The following NPTN variants were observed in gnomAD, a reference collection of about 807,000 sequenced individuals.
NPTN encodes neuroplastin.
Under a neutral mutation model 42.7 loss-of-function variants are expected in NPTN, and 5 were observed. The ratio of observed to expected loss-of-function variants is 0.12; its 90% CI spans 0.06 to 0.25. The LOEUF (loss-of-function observed/expected upper bound fraction) is 0.25, where lower values mean the gene tolerates loss of function less well. NPTN is among the 10% of genes least tolerant of loss of function. NPTN has a pLI of 1.00. For missense variants in NPTN, 307 were observed against 525.4 expected, an observed-to-expected ratio of 0.58 and a Z score of 4.06; for synonymous variants, 180 against 201.9, an observed-to-expected ratio of 0.89 and a Z score of 0.92.
intron 4 of NPTN, among the ~76,000 whole-genome samples, chr15:73,585,888 G>A (rs28483395): frequency 0.016 from 2,381 of 152,220 alleles, 88 homozygotes; most frequent in African/African-American, 0.054. Context: ...GGCCTACAGC[G>A]TCCTATTCTC....
chr15:73,615,619 T>C (rs1283353294), intron 1 of NPTN, among the ~76,000 whole-genome samples: 2 of 152,248 alleles, frequency 1.3e-5, no homozygotes, highest in Non-Finnish European at 2.9e-5. Context: ...TCCACTTCTC[T>C]GTCATCAAGG....
At position 73,560,071 on chromosome 15, in the gene NPTN, T is replaced by C. The variant is rs1894569473; in HGVS notation, c.*992A>G. ...GGTGAATCCACTTTTTTATACATCATTGCACTTCAATAATTACACAAAACA... is the reference window on the plus strand; with the variant it reads ...GGTGAATCCACTTTTTTATACATCACTGCACTTCAATAATTACACAAAACA... On this transcript the variant is annotated 3_prime_UTR_variant, in exon 9 of 9. Coordinates refer to ENST00000345330, the MANE Select transcript of NPTN (RefSeq NM_012428.4). 3 of 601,846 alleles carry C rather than the reference T, an allele frequency of 5.0e-6. No individual in the cohort carries two copies. The highest frequency in any genetic ancestry group is 8.1e-6 in the Non-Finnish European group (3 of 372,176). 37.3% of individuals were successfully genotyped at this position (601,846 alleles called of 1,614,324 possible).
intron 5 of NPTN, among the ~76,000 whole-genome samples, chr15:73,571,477 T>G (rs951299703): frequency 6.6e-6 from 1 of 152,030 alleles, no homozygotes; most frequent in Non-Finnish European, 1.5e-5. Flanking sequence ...AGCGTGTGTA[T>G]AGAGTGCTGT....
chr15:73,578,823 G>A (rs919837088), intron 4 of NPTN, among the ~76,000 whole-genome samples: 4 of 151,916 alleles, frequency 2.6e-5, no homozygotes, highest in African/African-American at 7.3e-5. Context: ...GTGAAACCTT[G>A]TCTCTACAAA....
At chr15:73,567,955 ATC>A in intron 6 of NPTN, 2 of 985,462 alleles carry the variant, frequency 2.0e-6, no homozygotes, top group Non-Finnish European at 2.4e-6. Context: ...CCCTGCCGTC[ATC>A]TCTTTTAAGG....
chr15:73,600,508 T>C (rs1259444470), intron 1 of NPTN, among the ~76,000 whole-genome samples: 2 of 152,148 alleles, frequency 1.3e-5, no homozygotes, highest in Non-Finnish European at 2.9e-5. Context: ...GAAACTAACG[T>C]CCAAAAAAGT....
Position 73,563,158 on chromosome 15 carries a change from C to T in NPTN, c.1136+78G>A, listed in dbSNP as rs1312382230. ...TCACTGTCTTCCCCTCCAATCTTAG[C>T]TACTCCATTTGATTAAACTGCAAAC... On this transcript the variant is annotated intron_variant, in intron 7 of 8. Coordinates refer to ENST00000345330, the MANE Select transcript of NPTN (RefSeq NM_012428.4). The T allele has an allele frequency of 4.9e-6, 5 of 1,017,428 alleles. No individual in the cohort carries two copies. In the East Asian group the frequency reaches 7.1e-5, roughly 15 times the overall value. The allele number at this position is 1,017,428 out of a possible 1,614,324, so 63.0% of individuals were successfully genotyped here.
At chr15:73,630,315 C>G (rs1267117533) in intron 1 of NPTN, among the ~76,000 whole-genome samples, 1 of 152,248 alleles carries the variant, frequency 6.6e-6, no homozygotes, top group Non-Finnish European at 1.5e-5. Flanking sequence ...CACTCTTGAT[C>G]ATCACATTAT....
At chr15:73,568,412 C>T in intron 6 of NPTN, 2 of 985,378 alleles carry the variant, frequency 2.0e-6, no homozygotes, top group Non-Finnish European at 2.4e-6. Flanking sequence ...GTGGTATTGG[C>T]AAAGCAAAAG....
chr15:73,565,246 G>A (rs1372679515), intron 6 of NPTN, among the ~76,000 whole-genome samples: 1 of 152,048 alleles, frequency 6.6e-6, no homozygotes, highest in Non-Finnish European at 1.5e-5. Context: ...AGAGCCTCAT[G>A]TCTCCCCACT....
At chr15:73,622,973 C>T (rs1021985919) in intron 1 of NPTN, among the ~76,000 whole-genome samples, 9 of 152,220 alleles carry the variant, frequency 5.9e-5, no homozygotes, top group Admixed American at 3.9e-4. Context: ...CACCAGCTCC[C>T]ACTTCTAAAG....
rs1895224421 is a variant in NPTN at position 73,569,172 on chromosome 15, G to GT, written c.1114+977dup. 1 of 985,354 alleles carries GT rather than the reference G, an allele frequency of 1.0e-6. No homozygotes were observed. Among genetic ancestry groups the GT allele is most frequent in the Non-Finnish European group, 1.2e-6 (1 of 829,990 alleles). The allele number at this position is 985,354 out of a possible 1,614,324, so 61.0% of individuals were successfully genotyped here. On this transcript the variant is annotated intron_variant, in intron 6 of 8. Coordinates refer to ENST00000345330, the MANE Select transcript of NPTN (RefSeq NM_012428.4). The surrounding 1 kb of genome is among the most constrained non-coding windows in gnomAD (Gnocchi z 4.1). ...TCTAGCCAGGGACAGACTAGTGGTGGTAACAGTCGGCCAATTAATTTCTGT... is the reference window on the plus strand; with the variant it reads ...TCTAGCCAGGGACAGACTAGTGGTGGTTAACAGTCGGCCAATTAATTTCTGT...
At chr15:73,615,115 T>G (rs1004135613) in intron 1 of NPTN, among the ~76,000 whole-genome samples, 2 of 152,102 alleles carry the variant, frequency 1.3e-5, no homozygotes, top group African/African-American at 4.8e-5. Context: ...GTTCACAGTT[T>G]CTGTGAAACT....
chr15:73,631,784 C>T (rs1898757082), intron 1 of NPTN, among the ~76,000 whole-genome samples: 1 of 152,156 alleles, frequency 6.6e-6, no homozygotes, highest in African/African-American at 2.4e-5. Flanking sequence ...TCCACAAGGG[C>T]AGAAACAGGT....
chr15:73,597,232 G>C lies in NPTN; in HGVS notation c.229C>G (p.Gln77Glu), dbSNP rs766111974. The change falls in exon 2 of 9, where the codon CAG (glutamine) becomes GAG (glutamate). Residue 77 changes from glutamine (Q) to glutamate (E), a missense_variant. This residue lies in a region of NPTN where 264 missense variants were observed against 491.1 expected (regional missense o/e 0.54). Transcript: ENST00000345330. The surrounding 1 kb of genome is among the most constrained non-coding windows in gnomAD (Gnocchi z 6.3). ...CGCTTCCGAGCACCGTCCCACAGCT[G>C]TCTGAAAGACTCTGCCCGGTTGACT... ...AEVNRAESFRQLWDGARKRRV... is the reference protein window; with the variant it reads ...AEVNRAESFRELWDGARKRRV... 1.2e-6 allele frequency: 2 copies of C among 1,614,166 alleles called. No individual in the cohort carries two copies. The highest frequency in any genetic ancestry group is 3.3e-5 in the Admixed American group (2 of 60,026).
intron 5 of NPTN, among the ~76,000 whole-genome samples, chr15:73,572,874 G>T (rs1315065728): frequency 1.3e-5 from 2 of 152,148 alleles, no homozygotes; most frequent in African/African-American, 4.8e-5. Context: ...TGGAGGAGGG[G>T]CCTTGTGGGA....
chr15:73,577,190 A>AC (rs374971151), intron 4 of NPTN, among the ~76,000 whole-genome samples: 25 of 152,304 alleles, frequency 1.6e-4, no homozygotes, highest in African/African-American at 6.0e-4. Flanking sequence ...TTTTTCCCAC[A>AC]CAAGCCTTGG....
chr15:73,610,476 T>C (rs1413491394), intron 1 of NPTN, among the ~76,000 whole-genome samples: 1 of 152,214 alleles, frequency 6.6e-6, no homozygotes, highest in Admixed American at 6.5e-5. Context: ...TTACCATTCC[T>C]GGGTTATTTC....
intron 6 of NPTN, among the ~76,000 whole-genome samples, chr15:73,563,828 C>T (rs145564726): frequency 1.3e-5 from 2 of 152,310 alleles, no homozygotes; most frequent in African/African-American, 4.8e-5. Flanking sequence ...ATAGTTCAAC[C>T]TAAATTGGGT....
Sources: allele counts gnomAD v4.1 joint callset (sites outside exome capture counted in the v4.1 genomes callset), GRCh38; gene constraint gnomAD v4.1.1; regional missense constraint gnomAD v4.1.1; non-coding constraint Gnocchi (gnomAD v3.1); transcripts MANE v1.5; gene names NCBI Gene and HGNC (gene_info 2026-07-23, HGNC 2026-07-21).